PRKCA: variants seen among roughly 807,000 people sequenced by gnomAD.
PRKCA encodes protein kinase C alpha type.
In PRKCA, 27 loss-of-function variants were observed where a neutral mutation model predicts 87.0. The observed-to-expected ratio is 0.31, with a 90% CI of 0.23 to 0.43. The LOEUF (loss-of-function observed/expected upper bound fraction) is 0.43, where lower values mean the gene tolerates loss of function less well. Ranked by LOEUF, PRKCA falls within the 20% of genes least tolerant of loss-of-function variation. PRKCA has a pLI of 1.00. For synonymous variants in PRKCA, 329 were observed against 311.1 expected, an observed-to-expected ratio of 1.06 and a Z score of -0.61; for missense variants, 518 against 852.3, an observed-to-expected ratio of 0.61 and a Z score of 4.88.
chr17:66,657,702 G>A (rs1406615269), intron 5 of PRKCA, among the ~76,000 whole-genome samples: 1 of 152,156 alleles, frequency 6.6e-6, no homozygotes, highest in Non-Finnish European at 1.5e-5. Context: ...TGCAGTGAAT[G>A]TTAGAAATAG....
intron 16 of PRKCA, among the ~76,000 whole-genome samples, chr17:66,797,251 G>A (rs934455645): frequency 1.3e-5 from 2 of 152,196 alleles, no homozygotes; most frequent in African/African-American, 4.8e-5. Flanking sequence ...GCCACACAAG[G>A]CTCCAGTGGG....
chr17:66,569,094 A>G (rs1968987345), intron 3 of PRKCA, among the ~76,000 whole-genome samples: 1 of 152,210 alleles, frequency 6.6e-6, no homozygotes, highest in African/African-American at 2.4e-5. Flanking sequence ...AATGACAGAG[A>G]ACATGTTTAT....
At chr17:66,770,905 T>C (rs1974919180) in intron 13 of PRKCA, among the ~76,000 whole-genome samples, 1 of 152,006 alleles carries the variant, frequency 6.6e-6, no homozygotes, top group Non-Finnish European at 1.5e-5. Flanking sequence ...GGAAGATAAC[T>C]GGGATAATCT....
At chr17:66,778,465 G>A (rs553911529) in intron 14 of PRKCA, among the ~76,000 whole-genome samples, 1 of 152,230 alleles carries the variant, frequency 6.6e-6, no homozygotes, top group East Asian at 1.9e-4. Flanking sequence ...GCAGTGAGCC[G>A]AGATCGCGCC....
chr17:66,697,141 G>C (rs1972943249), intron 8 of PRKCA, among the ~76,000 whole-genome samples: 1 of 152,216 alleles, frequency 6.6e-6, no homozygotes, highest in Non-Finnish European at 1.5e-5. Flanking sequence ...AACCCAGTCT[G>C]TCTACCTCTT....
At chr17:66,633,767 G>A (rs1168886518) in intron 3 of PRKCA, among the ~76,000 whole-genome samples, 1 of 152,202 alleles carries the variant, frequency 6.6e-6, no homozygotes, top group East Asian at 1.9e-4. Context: ...AAGCACATGT[G>A]CAGTGATGTC....
chr17:66,400,668 T>G (rs574324180), intron 2 of PRKCA, among the ~76,000 whole-genome samples: 15 of 152,340 alleles, frequency 9.8e-5, no homozygotes, highest in Admixed American at 7.2e-4. Context: ...ACATGATGGT[T>G]CTATTTAATT....
At chr17:66,578,757 C>T (rs749201308) in intron 3 of PRKCA, among the ~76,000 whole-genome samples, 2 of 152,190 alleles carry the variant, frequency 1.3e-5, no homozygotes, top group Admixed American at 1.3e-4. Context: ...CCTCTTCATC[C>T]AGATCTGTGA....
chr17:66,523,748 T>TG (rs1050827184), intron 3 of PRKCA, among the ~76,000 whole-genome samples: 2 of 152,096 alleles, frequency 1.3e-5, no homozygotes, highest in Non-Finnish European at 2.9e-5. Context: ...CGGAAGATGC[T>TG]GGAAGGATGC....
intron 2 of PRKCA, among the ~76,000 whole-genome samples, chr17:66,342,417 A>G (rs12953221): frequency 0.33 from 48,532 of 147,272 alleles, 8,807 homozygotes; most frequent in African/African-American, 0.48. Context: ...GTGAGACTCC[A>G]TCTCAAAAAA....
chr17:66,347,507 A>G (rs576997238), intron 2 of PRKCA, among the ~76,000 whole-genome samples: 1 of 152,292 alleles, frequency 6.6e-6, no homozygotes, highest in African/African-American at 2.4e-5. Context: ...TGTGTTTCAT[A>G]TTGGTCCATC....
rs573783992 is a variant in PRKCA at position 66,793,616 on chromosome 17, A to C, written c.1854+4637A>C. 5.1e-5 allele frequency among the ~76,000 whole-genome samples: 6 copies of C among 117,682 alleles called. No individual in the cohort carries two copies. The South Asian group carries it at 1.2e-3, about 23-fold the overall frequency. 77.2% of individuals were successfully genotyped at this position (117,682 alleles called of 152,430 possible). On this transcript the variant is annotated intron_variant, in intron 16 of 16. Coordinates refer to ENST00000413366, the MANE Select transcript of PRKCA (RefSeq NM_002737.3). ...AAAAAAAAAAAAAAAAAAAAAAAAA[A>C]CCGGAATGTTCAGAAGAGTCTAGGT... is the stretch of plus-strand genomic sequence containing the variant.
In PRKCA at chr17:66,719,073, C is replaced by G. The variant is rs1432177376; in HGVS notation, c.919-13615C>G. Among the ~76,000 whole-genome samples the G allele has an allele frequency of 2.0e-5, 3 of 152,224 alleles. No individual in the cohort carries two copies. The East Asian group carries it at 5.8e-4, about 29-fold the overall frequency. ...GTGACCTCCCCAAAAAGGTCACAAA[C>G]AAGTAATTAATGTTTCATTCATCCA... is the stretch of plus-strand genomic sequence containing the variant. On this transcript the variant is annotated intron_variant, in intron 8 of 16. Transcript: ENST00000413366.
chr17:66,650,704 C>T (rs762844188), intron 5 of PRKCA, among the ~76,000 whole-genome samples: 42 of 152,050 alleles, frequency 2.8e-4, no homozygotes, highest in Non-Finnish European at 5.4e-4. Flanking sequence ...TAGGGCCCTG[C>T]GCGATTTGAT....
intron 2 of PRKCA, among the ~76,000 whole-genome samples, chr17:66,328,452 A>G (rs1452595997): frequency 6.6e-6 from 1 of 152,074 alleles, no homozygotes; most frequent in African/African-American, 2.4e-5. Flanking sequence ...TTCTAGGTAA[A>G]GCAGCCAGCA....
intron 5 of PRKCA, among the ~76,000 whole-genome samples, chr17:66,680,086 G>A (rs959471017): frequency 2.0e-5 from 3 of 152,132 alleles, no homozygotes; most frequent in Non-Finnish European, 4.4e-5. Flanking sequence ...CCTTCACTCC[G>A]TGGCCTGGTG....
intron 4 of PRKCA, 96 bp from the exon 5 acceptor site, chr17:66,645,287 G>A: frequency 1.3e-6 from 2 of 1,538,538 alleles, no homozygotes; most frequent in South Asian, 1.2e-5. Flanking sequence ...CGAGTTGGGG[G>A]TAACTCATTT....
intron 3 of PRKCA, among the ~76,000 whole-genome samples, chr17:66,522,315 T>G (rs9908953): frequency 0.35 from 52,691 of 152,078 alleles, 9,303 homozygotes; most frequent in South Asian, 0.49. Flanking sequence ...TTTTTTTCAC[T>G]TCTTGCAGTT....
chr17:66,701,119 T>A (rs1039357596), intron 8 of PRKCA, among the ~76,000 whole-genome samples: 1 of 152,088 alleles, frequency 6.6e-6, no homozygotes, highest in African/African-American at 2.4e-5. Context: ...TAGAACAGAA[T>A]AGAAAACCCA....
Sources: gnomAD v4.1 joint callset for allele counts (sites outside exome capture counted in the v4.1 genomes callset) on GRCh38, gnomAD v4.1.1 for gene constraint, MANE v1.5 for transcripts, NCBI Gene and HGNC (gene_info 2026-07-23, HGNC 2026-07-21) for gene names.